The following UNC13C variants were observed in gnomAD, a reference collection of about 807,000 sequenced individuals.
UNC13C encodes unc-13 homolog C.
A neutral mutation model predicts 245.4 loss-of-function variants in UNC13C; 174 were observed. The observed-to-expected ratio is 0.71, with a 90% CI of 0.63 to 0.80. The LOEUF (loss-of-function observed/expected upper bound fraction) is 0.80, where lower values mean the gene tolerates loss of function less well. Ranked by LOEUF, UNC13C falls within the 30% of genes least tolerant of loss-of-function variation. The probability of loss-of-function intolerance (pLI) is 0.00; values close to 1 mark genes in which losing one functional copy is unlikely to be tolerated. For missense variants in UNC13C, 2,829 were observed against 2,602.9 expected (o/e 1.09, Z -1.89); for synonymous variants, 992 against 895.1 (o/e 1.11, Z -1.93).
chr15:54,258,005 C>T (rs2036322918), intron 8 of UNC13C, among the ~76,000 whole-genome samples: 1 of 151,988 alleles, frequency 6.6e-6, no homozygotes, highest in Admixed American at 6.6e-5. Context: ...AAAAGAAAAG[C>T]AGTAAAGACC....
At chr15:54,565,407 G>C (rs1897466848) in intron 29 of UNC13C, among the ~76,000 whole-genome samples, 1 of 151,968 alleles carries the variant, frequency 6.6e-6, no homozygotes. Context: ...CAAGTATTAA[G>C]GTGACTGAAG....
the UNC13C span, among the ~76,000 whole-genome samples, chr15:53,959,463 C>T: frequency 6.6e-6 from 1 of 152,016 alleles, no homozygotes; most frequent in African/African-American, 2.4e-5. Flanking sequence ...CTTATGGTTT[C>T]TTTTTGATAA....
the UNC13C span, among the ~76,000 whole-genome samples, chr15:53,932,278 C>T: frequency 5.4e-4 from 82 of 151,384 alleles, no homozygotes; most frequent in East Asian, 4.9e-3. Flanking sequence ...CACAGCACTC[C>T]AGCCTGGCAA....
intron 2 of UNC13C, among the ~76,000 whole-genome samples, chr15:54,025,581 C>A (rs1159778318): frequency 1.3e-5 from 2 of 152,168 alleles, no homozygotes; most frequent in Non-Finnish European, 2.9e-5. Context: ...CTTCCACATT[C>A]TGTGTGCTTA....
intron 26 of UNC13C, among the ~76,000 whole-genome samples, chr15:54,540,163 A>T (rs1197000127): frequency 6.6e-6 from 1 of 152,058 alleles, no homozygotes; most frequent in African/African-American, 2.4e-5. Flanking sequence ...ATAAGAAAGG[A>T]ATACAAATAA....
intron 24 of UNC13C, among the ~76,000 whole-genome samples, chr15:54,517,927 G>A (rs1895051447): frequency 6.6e-6 from 1 of 152,130 alleles, no homozygotes; most frequent in African/African-American, 2.4e-5. Flanking sequence ...CTCACCTCTT[G>A]TTGTATAAAT....
rs74013569 is a variant in UNC13C at position 54,265,567 on chromosome 15, G to A, written c.3818+71G>A. On this transcript the variant is annotated intron_variant, in intron 10 of 32. Coordinates refer to ENST00000260323, the MANE Select transcript of UNC13C (RefSeq NM_001080534.3). ...AATGAATTTAAGACAGGCATACAAA[G>A]GATGCAATAATTATCTCATTTTTTA... 6,366 of 1,161,276 alleles carry A rather than the reference G, an allele frequency of 5.5e-3. 266 individuals carry two copies. In the African/African-American group the frequency reaches 0.088, roughly 16 times the overall value. 71.9% of individuals were successfully genotyped at this position (1,161,276 alleles called of 1,614,324 possible).
intron 4 of UNC13C, among the ~76,000 whole-genome samples, chr15:54,166,366 T>C (rs1423601111): frequency 2.0e-5 from 3 of 152,114 alleles, no homozygotes; most frequent in African/African-American, 7.2e-5. Flanking sequence ...CAATCATATC[T>C]TAAAAATATT....
At chr15:54,390,933 T>C (rs1021993321) in intron 17 of UNC13C, among the ~76,000 whole-genome samples, 1 of 152,104 alleles carries the variant, frequency 6.6e-6, no homozygotes, top group African/African-American at 2.4e-5. Context: ...AAAAACTTAA[T>C]GATTCAACAT....
At chr15:54,557,212 T>C (rs745329243) in intron 29 of UNC13C, among the ~76,000 whole-genome samples, 7 of 151,986 alleles carry the variant, frequency 4.6e-5, no homozygotes, top group Non-Finnish European at 7.4e-5. Context: ...GACTGGAGTC[T>C]GACTCTGGTC....
intron 7 of UNC13C, among the ~76,000 whole-genome samples, 156 bp downstream of exon 7, chr15:54,237,846 T>TTG (rs2140835566): frequency 6.6e-6 from 1 of 152,336 alleles, no homozygotes; most frequent in East Asian, 1.9e-4. Context: ...ACAAACTTCC[T>TTG]CAGGGACTCA....
In UNC13C at chr15:54,237,686, A is replaced by G. The variant is rs2035739683; in HGVS notation, c.3224A>G (p.Glu1075Gly). 1 of 1,608,990 alleles carries G rather than the reference A, an allele frequency of 6.2e-7. No individual in the cohort carries two copies. Among genetic ancestry groups the G allele is most frequent in the Non-Finnish European group, 8.5e-7 (1 of 1,177,402 alleles). The change falls in exon 7 of 33, where the codon GAA (glutamate) becomes GGA (glycine). Residue 1075 changes from glutamate to glycine, a missense_variant. By Grantham distance (98) the Glu-to-Gly change is moderately conservative. Transcript: ENST00000260323. ...ATTAGGACATCCCTAAATAATGAGG[A>G]ACTGGTAAGTACTAGATATTGCTCA... ...MVIRTSLNNE[E>G]LKMHVFKKTL... is the part of the protein sequence containing the mutation.
At chr15:54,096,776 G>A (rs1210553370) in intron 2 of UNC13C, among the ~76,000 whole-genome samples, 7 of 151,992 alleles carry the variant, frequency 4.6e-5, no homozygotes, top group Non-Finnish European at 2.9e-5. Context: ...GCAGAATAAA[G>A]CTTGAAGTAA....
At chr15:54,393,386 T>A (rs2040004816) in intron 18 of UNC13C, among the ~76,000 whole-genome samples, 1 of 151,862 alleles carries the variant, frequency 6.6e-6, no homozygotes, top group African/African-American at 2.4e-5. Context: ...TATGATTCTT[T>A]GGATATGGAG....
intron 30 of UNC13C, among the ~76,000 whole-genome samples, chr15:54,571,753 G>A (rs1596592069): frequency 6.6e-6 from 1 of 152,214 alleles, no homozygotes; most frequent in Non-Finnish European, 1.5e-5. Flanking sequence ...TGCAGGACCA[G>A]CTGGAGTGCC....
the UNC13C span, among the ~76,000 whole-genome samples, chr15:53,859,888 T>C: frequency 3.0e-4 from 46 of 152,336 alleles, no homozygotes; most frequent in Admixed American, 3.3e-4. Flanking sequence ...TTTTGGACTA[T>C]GTGTTCTCCT....
chr15:54,435,029 G>C (rs1219699703), intron 19 of UNC13C, among the ~76,000 whole-genome samples: 1 of 152,050 alleles, frequency 6.6e-6, no homozygotes, highest in African/African-American at 2.4e-5. Flanking sequence ...ACCAAAATGA[G>C]ATACCATCTC....
At chr15:53,844,009 T>C in the UNC13C span, among the ~76,000 whole-genome samples, 1 of 152,152 alleles carries the variant, frequency 6.6e-6, no homozygotes, top group African/African-American at 2.4e-5. Context: ...GCTGATTGGC[T>C]GAGGAGCAGC....
Position 54,615,875 on chromosome 15 carries a change from A to G in UNC13C, c.6107-6452A>G, listed in dbSNP as rs116921168. On this transcript the variant is annotated intron_variant, in intron 30 of 32. Coordinates refer to ENST00000260323, the MANE Select transcript of UNC13C (RefSeq NM_001080534.3). ...CAGTGGAAAGAATCCAGAACTGAAA[A>G]ATAAGACCTACCACTAATATTGCCC... 7.3e-3 allele frequency among the ~76,000 whole-genome samples: 1,110 copies of G among 152,138 alleles called. 9 individuals are homozygous for G. Among genetic ancestry groups the G allele is most frequent in the Non-Finnish European group, 0.013 (880 of 67,932 alleles).
Sources: gnomAD v4.1 joint callset for allele counts (sites outside exome capture counted in the v4.1 genomes callset) on GRCh38, gnomAD v4.1.1 for gene constraint, MANE v1.5 for transcripts, NCBI Gene and HGNC (gene_info 2026-07-23, HGNC 2026-07-21) for gene names.